Variants in MTCL1 observed in about 807,000 individuals in gnomAD.
MTCL1 encodes the protein microtubule cross-linking factor 1.
MTCL1 carries 79 observed loss-of-function variants against 141.4 expected under a neutral mutation model. The ratio of observed to expected loss-of-function variants is 0.56; its 90% CI spans 0.47 to 0.67. The LOEUF is 0.67. MTCL1 is among the 30% of genes least tolerant of loss of function. MTCL1 has a pLI of 0.00. For missense variants in MTCL1, 2,177 were observed against 2,113.9 expected (o/e 1.03, Z -0.59); for synonymous variants, 914 against 875.8 (o/e 1.04, Z -0.77).
chr18:8,724,121 T>G (rs2096191803), intron 4 of MTCL1, among the ~76,000 whole-genome samples: 1 of 152,146 alleles, frequency 6.6e-6, no homozygotes, highest in African/African-American at 2.4e-5. Context: ...GCTGTGCACT[T>G]GAAAATGGTT....
intron 4 of MTCL1, among the ~76,000 whole-genome samples, chr18:8,733,414 G>GT: frequency 6.6e-6 from 1 of 152,192 alleles, no homozygotes; most frequent in East Asian, 1.9e-4. Flanking sequence ...TTGTTTGTTT[G>GT]TTTGTTTGTT....
exon 17 of MTCL1, chr18:8,831,778 C>A: frequency 6.5e-7 from 1 of 1,549,818 alleles, no homozygotes; most frequent in Non-Finnish European, 8.7e-7. Flanking sequence ...CGAGGAGCCG[C>A]CCGAGGAGCA....
intron 7 of MTCL1, 30 bp downstream of exon 6, chr18:8,786,121 C>CCACA: frequency 6.8e-7 from 1 of 1,469,514 alleles, no homozygotes; most frequent in Admixed American, 2.0e-5. Context: ...CCCCCCCCCC[C>CCACA]GCCCTCCCCC....
At chr18:8,812,785 C>A in intron 11 of MTCL1, 194 bp from the exon 11 acceptor site, 2 of 638,460 alleles carry the variant, frequency 3.1e-6, no homozygotes, top group Non-Finnish European at 5.2e-6. Flanking sequence ...AGTTTACTCA[C>A]CGCTTAACAT....
At chr18:8,826,882 A>G (rs1366117194) in intron 15 of MTCL1, among the ~76,000 whole-genome samples, 1 of 152,234 alleles carries the variant, frequency 6.6e-6, no homozygotes, top group Non-Finnish European at 1.5e-5. Flanking sequence ...TCACAAATCA[A>G]TCCACTGTGA....
In MTCL1 at chr18:8,830,724, T is replaced by C. The variant is rs1432759860; in HGVS notation, c.*19-883T>C. On this transcript the variant is annotated intron_variant, in intron 16 of 16. Coordinates refer to ENST00000359865, the Ensembl canonical transcript of MTCL1. This position sits in a 1 kb window ranked among gnomAD's most constrained non-coding sequence, Gnocchi z 6.4. Reference sequence around the variant, plus strand: ...TCATTCCAGCCAGCGGGCTCCATGCTGGGCAACTCAGTTTTCTCATGCCAC... The same window carrying C: ...TCATTCCAGCCAGCGGGCTCCATGCCGGGCAACTCAGTTTTCTCATGCCAC... 1 of 985,506 alleles carries C rather than the reference T, an allele frequency of 1.0e-6. No individual in the cohort carries two copies. Among genetic ancestry groups the C allele is most frequent in the Admixed American group, 6.1e-5 (1 of 16,294 alleles). 61.0% of individuals were successfully genotyped at this position (985,506 alleles called of 1,614,324 possible). A position where few individuals can be genotyped will look rare whatever the true frequency, so the allele number is the denominator to read the frequency against.
At position 8,721,573 on chromosome 18, in the gene MTCL1, C is replaced by G. The variant is rs562761253; in HGVS notation, c.357+1077C>G. Among the ~76,000 whole-genome samples, 5 of 152,306 alleles carry G rather than the reference C, an allele frequency of 3.3e-5. No individual in the cohort carries two copies. The East Asian group carries it at 9.6e-4, about 29-fold the overall frequency. ...TGCCCTCGCTGGAATGTTCTTTCTCCAGGCACTCACCTGTGGCTCATTCCC... is the reference window on the plus strand; with the variant it reads ...TGCCCTCGCTGGAATGTTCTTTCTCGAGGCACTCACCTGTGGCTCATTCCC... On this transcript the variant is annotated intron_variant, in intron 4 of 16. Transcript: ENST00000359865.
At chr18:8,716,390 C>T (rs1033165256), upstream of MTCL1, among the ~76,000 whole-genome samples, 2 of 151,984 alleles carry the variant, frequency 1.3e-5, no homozygotes, top group African/African-American at 4.8e-5. Flanking sequence ...GATGAGTTGC[C>T]ATATCTGTGC....
chr18:8,782,946 AC>A (rs780965924), intron 5 of MTCL1, among the ~76,000 whole-genome samples: 4 of 152,202 alleles, frequency 2.6e-5, no homozygotes, highest in Non-Finnish European at 5.9e-5. Flanking sequence ...TGTCTCAGGT[AC>A]CTTAGGAAAC....
chr18:8,792,054 CAG>C (rs1184401164), intron 7 of MTCL1, among the ~76,000 whole-genome samples: 1 of 152,168 alleles, frequency 6.6e-6, no homozygotes, highest in Non-Finnish European at 1.5e-5. Context: ...GAAGAACAAA[CAG>C]TATCCTCAGG....
At chr18:8,765,039 G>C (rs2096453099) in intron 4 of MTCL1, among the ~76,000 whole-genome samples, 1 of 152,212 alleles carries the variant, frequency 6.6e-6, no homozygotes, top group Non-Finnish European at 1.5e-5. Context: ...CTGCCTCAAA[G>C]CTTGAACTTG....
At chr18:8,719,313 CATCTAGCCTTTCAG>C (rs2096152087) in intron 3 of MTCL1, among the ~76,000 whole-genome samples, 1 of 152,202 alleles carries the variant, frequency 6.6e-6, no homozygotes, top group Admixed American at 6.5e-5. Context: ...TGTGAAATCT[CATCTAGCCTTTCAG>C]TGTGATAACA....
chr18:8,796,639 G>C (rs141743459), intron 9 of MTCL1, among the ~76,000 whole-genome samples, 177 bp downstream of exon 8: 5 of 152,182 alleles, frequency 3.3e-5, no homozygotes, highest in Admixed American at 6.5e-5. Flanking sequence ...ACTTAGATAA[G>C]AGAAAATTGA....
At chr18:8,723,271 A>G (rs561352653) in intron 4 of MTCL1, among the ~76,000 whole-genome samples, 15 of 152,324 alleles carry the variant, frequency 9.8e-5, no homozygotes, top group Admixed American at 8.5e-4. Flanking sequence ...TGGAGGAAAT[A>G]TTTATTGGAA....
At chr18:8,795,637 C>T (rs1437891907) in intron 8 of MTCL1, among the ~76,000 whole-genome samples, 1 of 152,176 alleles carries the variant, frequency 6.6e-6, no homozygotes, top group Non-Finnish European at 1.5e-5. Context: ...TCAAGTCTTT[C>T]AGCATGGAAA....
At chr18:8,777,694 T>C (rs2096516723) in intron 4 of MTCL1, 139 bp from the exon 4 acceptor site, 1 of 705,562 alleles carries the variant, frequency 1.4e-6, no homozygotes, top group Non-Finnish European at 2.4e-6. Flanking sequence ...GAAACAAATT[T>C]ACACAAGTTG....
intron 4 of MTCL1, among the ~76,000 whole-genome samples, chr18:8,758,330 C>G (rs555969760): frequency 6.6e-6 from 1 of 152,168 alleles, no homozygotes; most frequent in Non-Finnish European, 1.5e-5. Context: ...GCCACACCCA[C>G]TCTTCTAATC....
intron 6 of MTCL1, 107 bp from the exon 6 acceptor site, chr18:8,785,829 T>G: frequency 2.1e-6 from 3 of 1,413,168 alleles, no homozygotes; most frequent in Non-Finnish European, 2.8e-6. Flanking sequence ...CCATTTTTGT[T>G]TTCTTTATCC....
At chr18:8,811,795 A>G (rs1007696932) in intron 11 of MTCL1, among the ~76,000 whole-genome samples, 2 of 152,334 alleles carry the variant, frequency 1.3e-5, no homozygotes, top group Non-Finnish European at 2.9e-5. Flanking sequence ...GAGGCAATCT[A>G]TGTGAAAGGC....
Sources: gnomAD v4.1 joint callset for allele counts (sites outside exome capture counted in the v4.1 genomes callset) on GRCh38, gnomAD v4.1.1 for gene constraint, Gnocchi (gnomAD v3.1) non-coding constraint, MANE v1.5 for transcripts, NCBI Gene and HGNC (gene_info 2026-07-23, HGNC 2026-07-21) for gene names.